The following DYNC1I1 variants were observed in gnomAD, a reference collection of about 807,000 sequenced individuals.
DYNC1I1 encodes cytoplasmic dynein 1 intermediate chain 1.
In DYNC1I1, 43 loss-of-function variants were observed where a neutral mutation model predicts 86.6. That is an observed-to-expected ratio of 0.50 (90% CI 0.39 to 0.64). The LOEUF is 0.64. Ranked by LOEUF, DYNC1I1 falls within the 30% of genes least tolerant of loss-of-function variation. The probability of loss-of-function intolerance (pLI) is 0.00; values close to 1 mark genes in which losing one functional copy is unlikely to be tolerated. For missense variants in DYNC1I1, 604 were observed against 788.8 expected (o/e 0.77, Z 2.81); for synonymous variants, 262 against 283.7 (o/e 0.92, Z 0.77).
intron 12 of DYNC1I1, among the ~76,000 whole-genome samples, chr7:96,033,528 A>G (rs1794862987): frequency 6.6e-6 from 1 of 152,190 alleles, no homozygotes; most frequent in Non-Finnish European, 1.5e-5. Flanking sequence ...AGTATTCACT[A>G]TCCTCCAACC....
At chr7:95,839,585 C>G (rs941366045) in intron 5 of DYNC1I1, among the ~76,000 whole-genome samples, 1 of 152,026 alleles carries the variant, frequency 6.6e-6, no homozygotes, top group Non-Finnish European at 1.5e-5. Flanking sequence ...ATATTTGAAC[C>G]AAAAGCTGTT....
chr7:96,018,455 T>C lies in DYNC1I1; in HGVS notation c.970-9720T>C, dbSNP rs543381839. Among the ~76,000 whole-genome samples the C allele has an allele frequency of 3.1e-4, 47 of 152,338 alleles. 1 individual carries two copies. Among genetic ancestry groups the C allele is most frequent in the African/African-American group, 9.9e-4 (41 of 41,580 alleles). On this transcript the variant is annotated intron_variant, in intron 10 of 16. Transcript: ENST00000447467. ...AAAATTACCCACCTAGTAAGACTGA[T>C]ACAGCGATGTGTAGTATATGCTTGA...
chr7:96,074,026 A>C (rs1346985129), intron 14 of DYNC1I1, among the ~76,000 whole-genome samples: 2 of 152,216 alleles, frequency 1.3e-5, no homozygotes, highest in African/African-American at 4.8e-5. Context: ...TTCAAATCAC[A>C]CTGCAAACAT....
chr7:96,016,077 C>T (rs751445024), intron 10 of DYNC1I1, among the ~76,000 whole-genome samples: 98 of 152,092 alleles, frequency 6.4e-4, no homozygotes, highest in Non-Finnish European at 1.3e-3. Flanking sequence ...CCTTTGGCCT[C>T]ATTGCTTTGT....
chr7:95,818,696 A>G (rs1795006270), intron 4 of DYNC1I1: 2 of 436,470 alleles, frequency 4.6e-6, no homozygotes, highest in Admixed American at 7.5e-5. Flanking sequence ...TTATACAACT[A>G]GAAAATATAA....
At chr7:95,819,281 T>C (rs915994461) in intron 4 of DYNC1I1, among the ~76,000 whole-genome samples, 5 of 152,188 alleles carry the variant, frequency 3.3e-5, no homozygotes, top group African/African-American at 1.2e-4. Flanking sequence ...AAGCTTTGGT[T>C]AAATTTAGAT....
chr7:95,813,387 A>AAC (rs1395334165), intron 4 of DYNC1I1, 50 bp downstream of exon 4: 3 of 1,568,766 alleles, frequency 1.9e-6, no homozygotes, highest in African/African-American at 2.8e-5. Context: ...TTAAAAAAAA[A>AAC]AAAAAACAGC....
chr7:95,915,246 A>G (rs927014405), intron 6 of DYNC1I1, among the ~76,000 whole-genome samples: 1 of 152,234 alleles, frequency 6.6e-6, no homozygotes, highest in Non-Finnish European at 1.5e-5. Context: ...TTTGTTCCAG[A>G]AGCTTTGTGC....
intron 14 of DYNC1I1, among the ~76,000 whole-genome samples, chr7:96,066,426 T>C (rs1258517698): frequency 1.3e-5 from 2 of 152,212 alleles, no homozygotes; most frequent in Non-Finnish European, 2.9e-5. Flanking sequence ...CTTGTTCTCT[T>C]TCTTTGGTAT....
At chr7:96,046,687 G>A (rs1025923958) in intron 14 of DYNC1I1, among the ~76,000 whole-genome samples, 1 of 152,172 alleles carries the variant, frequency 6.6e-6, no homozygotes, top group African/African-American at 2.4e-5. Context: ...TAGGCAGTGA[G>A]CTTGTGGAGG....
chr7:96,034,021 A>T (rs761757474), intron 12 of DYNC1I1, among the ~76,000 whole-genome samples: 12 of 148,814 alleles, frequency 8.1e-5, no homozygotes, highest in South Asian at 4.2e-4. Flanking sequence ...TGAAAAAAAT[A>T]ATTATTATTA....
rs1790379944 is a variant in DYNC1I1, at chr7:96,077,449, G to C, written c.1650+1252G>C. On this transcript the variant is annotated intron_variant, in intron 15 of 16. Coordinates refer to ENST00000447467, the MANE Select transcript of DYNC1I1 (RefSeq NM_001135556.2). The stretch of plus-strand genomic sequence containing the variant: ...TGACAAGAATGAGTTAGGTAATGAA[G>C]CATCTTTGAAAATAATCAAAAGGCA... Among the ~76,000 whole-genome samples, 9 of 152,152 alleles carry C rather than the reference G, an allele frequency of 5.9e-5. No individual in the cohort carries two copies. The South Asian group carries it at 1.9e-3, about 32-fold the overall frequency.
intron 16 of DYNC1I1, among the ~76,000 whole-genome samples, chr7:96,105,389 CAT>C (rs1791201020): frequency 6.6e-6 from 1 of 151,468 alleles, no homozygotes; most frequent in Admixed American, 6.6e-5. Flanking sequence ...TGAGTTTTAT[CAT>C]ATGCTTCTTT....
chr7:95,920,152 C>T (rs544175658), intron 6 of DYNC1I1, among the ~76,000 whole-genome samples: 2 of 152,086 alleles, frequency 1.3e-5, no homozygotes, highest in Non-Finnish European at 2.9e-5. Flanking sequence ...TTCAGCCAGG[C>T]GATCAAAGTC....
At chr7:95,854,423 C>G (rs1485488581) in intron 5 of DYNC1I1, among the ~76,000 whole-genome samples, 2 of 152,094 alleles carry the variant, frequency 1.3e-5, no homozygotes, top group Admixed American at 1.3e-4. Flanking sequence ...AAACTCTGTA[C>G]TTTTACTACA....
intron 10 of DYNC1I1, among the ~76,000 whole-genome samples, chr7:96,021,889 G>C (rs544844105): frequency 2.0e-5 from 3 of 152,034 alleles, no homozygotes; most frequent in Non-Finnish European, 2.9e-5. Flanking sequence ...ACCACATTTC[G>C]TTTATTCATT....
chr7:95,990,793 G>A (rs1793709667), intron 9 of DYNC1I1, among the ~76,000 whole-genome samples: 1 of 152,138 alleles, frequency 6.6e-6, no homozygotes, highest in Non-Finnish European at 1.5e-5. Flanking sequence ...ACTTTGGGAG[G>A]CCACAGCAGG....
intron 4 of DYNC1I1, among the ~76,000 whole-genome samples, chr7:95,820,263 G>A (rs1795045526): frequency 6.6e-6 from 1 of 151,948 alleles, no homozygotes; most frequent in South Asian, 2.1e-4. Flanking sequence ...ATTGAGGCCA[G>A]GAAATAAAAC....
intron 1 of DYNC1I1, among the ~76,000 whole-genome samples, chr7:95,775,280 T>C (rs1319999348): frequency 6.6e-6 from 1 of 152,218 alleles, no homozygotes; most frequent in Non-Finnish European, 1.5e-5. Context: ...CACTGGTTAA[T>C]TTTCATATAT....
Sources: allele counts gnomAD v4.1 joint callset (sites outside exome capture counted in the v4.1 genomes callset), GRCh38; gene constraint gnomAD v4.1.1; transcripts MANE v1.5; gene names NCBI Gene and HGNC (gene_info 2026-07-23, HGNC 2026-07-21).